TRAPPC3L: variants seen among roughly 807,000 people sequenced by gnomAD.
TRAPPC3L encodes the protein trafficking protein particle complex subunit 3-like protein.
In TRAPPC3L, 23 loss-of-function variants were observed where a neutral mutation model predicts 23.7. The ratio of observed to expected loss-of-function variants is 0.97; its 90% CI spans 0.70 to 1.37. The LOEUF is 1.37. Among genes scored for constraint, TRAPPC3L ranks in the 40% most tolerant of loss-of-function variants. The pLI, the probability that TRAPPC3L is intolerant of heterozygous loss-of-function variation, is 0.00. For synonymous variants in TRAPPC3L, 81 were observed against 77.9 expected (o/e 1.04, Z -0.21); for missense variants, 212 against 216.8 (o/e 0.98, Z 0.14).
At chr6:116,505,634 G>A (rs183983891) in intron 3 of TRAPPC3L, among the ~76,000 whole-genome samples, 1 of 152,298 alleles carries the variant, frequency 6.6e-6, no homozygotes, top group East Asian at 1.9e-4. Context: ...CAAGGTTACA[G>A]TAACCAAAAC....
intron 3 of TRAPPC3L, among the ~76,000 whole-genome samples, chr6:116,503,591 G>A (rs1344090079): frequency 9.9e-5 from 15 of 152,040 alleles, no homozygotes; most frequent in South Asian, 2.1e-4. Flanking sequence ...GCACCACATC[G>A]CACTTATTCT....
intron 3 of TRAPPC3L, chr6:116,517,836 G>A (rs572839428): frequency 6.6e-6 from 1 of 152,320 alleles, no homozygotes; most frequent in Admixed American, 6.5e-5. Flanking sequence ...GGGGAAGGAA[G>A]AGGGGCTGAA....
intron 3 of TRAPPC3L, among the ~76,000 whole-genome samples, chr6:116,539,691 G>GA (rs982974559): frequency 4.0e-5 from 6 of 150,364 alleles, no homozygotes; most frequent in East Asian, 1.9e-4. Context: ...GACTAGGAGA[G>GA]AAAAAAAAAT....
At position 116,514,635 on chromosome 6, in the gene TRAPPC3L, G is replaced by A. The variant is rs190910781; in HGVS notation, c.241-13969C>T. ...AAGGGGAAAGTTTAGATTTAAACCT[G>A]AGTAGTGCCAGTCCAGAGTTGGCAT... On this transcript the variant is annotated intron_variant, in intron 3 of 4. Transcript: ENST00000368602. Among the ~76,000 whole-genome samples the A allele has an allele frequency of 7.2e-5, 11 of 152,280 alleles. No homozygotes were observed. In the East Asian group the frequency reaches 2.1e-3, roughly 29 times the overall value.
At chr6:116,545,113 AT>A (rs1161660639) in intron 1 of TRAPPC3L, among the ~76,000 whole-genome samples, 2 of 150,818 alleles carry the variant, frequency 1.3e-5, no homozygotes, top group Non-Finnish European at 3.0e-5. Context: ...ACACATATAT[AT>A]ATACATACAT....
At chr6:116,510,963 G>A (rs1015897946) in intron 3 of TRAPPC3L, among the ~76,000 whole-genome samples, 1 of 151,650 alleles carries the variant, frequency 6.6e-6, no homozygotes, top group African/African-American at 2.4e-5. Context: ...TAAGCTATGG[G>A]TACGTAAAGG....
intron 3 of TRAPPC3L, among the ~76,000 whole-genome samples, chr6:116,535,429 T>C (rs746545042): frequency 1.1e-4 from 16 of 152,260 alleles, no homozygotes; most frequent in Non-Finnish European, 1.2e-4. Flanking sequence ...AACATTATTA[T>C]AATTATTGTC....
chr6:116,498,937 C>T (rs1344802812), intron 4 of TRAPPC3L, among the ~76,000 whole-genome samples: 1 of 152,158 alleles, frequency 6.6e-6, no homozygotes, highest in African/African-American at 2.4e-5. Context: ...ACAGACTCTG[C>T]CTAGGCATTC....
intron 3 of TRAPPC3L, among the ~76,000 whole-genome samples, chr6:116,507,218 A>G (rs1443749440): frequency 6.6e-6 from 1 of 152,188 alleles, no homozygotes; most frequent in African/African-American, 2.4e-5. Context: ...TCACACTGAT[A>G]CTAGCAAAGT....
intron 3 of TRAPPC3L, among the ~76,000 whole-genome samples, chr6:116,509,787 C>T (rs1182104497): frequency 6.6e-6 from 1 of 152,042 alleles, no homozygotes; most frequent in Non-Finnish European, 1.5e-5. Context: ...ATGACTAAGA[C>T]CCAAAAAGCA....
At chr6:116,509,789 CA>C (rs1480270932) in intron 3 of TRAPPC3L, among the ~76,000 whole-genome samples, 1 of 152,062 alleles carries the variant, frequency 6.6e-6, no homozygotes, top group Non-Finnish European at 1.5e-5. Context: ...GACTAAGACC[CA>C]AAAAGCAAAT....
At chr6:116,510,016 T>C (rs1344348007) in intron 3 of TRAPPC3L, among the ~76,000 whole-genome samples, 1 of 151,878 alleles carries the variant, frequency 6.6e-6, no homozygotes, top group East Asian at 1.9e-4. Flanking sequence ...AGTGAGCAAA[T>C]GACATCAATA....
chr6:116,537,648 G>A (rs766605477), intron 3 of TRAPPC3L, among the ~76,000 whole-genome samples: 14 of 152,066 alleles, frequency 9.2e-5, no homozygotes, highest in Non-Finnish European at 1.6e-4. Context: ...AAGGTAAAGC[G>A]AGTAGTTCCT....
At chr6:116,541,478 TAAA>T (rs907780286) in intron 2 of TRAPPC3L, among the ~76,000 whole-genome samples, 1 of 152,152 alleles carries the variant, frequency 6.6e-6, no homozygotes, top group African/African-American at 2.4e-5. Context: ...CCAGAGGCTC[TAAA>T]AAGAGATGAA....
chr6:116,528,603 A>G (rs1323984860), intron 3 of TRAPPC3L, among the ~76,000 whole-genome samples: 1 of 152,212 alleles, frequency 6.6e-6, no homozygotes, highest in Non-Finnish European at 1.5e-5. Context: ...AATATTGAGA[A>G]TTTTATTACC....
chr6:116,540,571 A>G, intron 2 of TRAPPC3L, 109 bp from the exon 3 acceptor site: 24 of 1,084,456 alleles, frequency 2.2e-5, no homozygotes, highest in Non-Finnish European at 3.2e-5. Context: ...TGAATCACAA[A>G]TCAAACCAAA....
chr6:116,495,090 A>T lies in TRAPPC3L; in HGVS notation c.*1864T>A. On this transcript the variant is annotated 3_prime_UTR_variant, in exon 5 of 5. Transcript: ENST00000368602. ...AGTGCAGAGATTACAGGCTTGTGCC[A>T]CCATGCCCGACCCAGATCTTATTCA... The T allele has an allele frequency of 6.9e-6, 1 of 144,038 alleles. No individual in the cohort carries two copies. Among genetic ancestry groups the T allele is most frequent in the East Asian group, 2.1e-4 (1 of 4,734 alleles). The allele number at this position is 144,038 out of a possible 1,614,324, so 8.9% of individuals were successfully genotyped here.
chr6:116,511,201 T>TATATAA (rs1177505491), intron 3 of TRAPPC3L, among the ~76,000 whole-genome samples: 2 of 147,636 alleles, frequency 1.4e-5, no homozygotes, highest in Non-Finnish European at 1.5e-5. Context: ...TATATATATA[T>TATATAA]AATTTTCATA....
chr6:116,516,191 G>T, intron 3 of TRAPPC3L: 1 of 585,050 alleles, frequency 1.7e-6, no homozygotes, highest in Non-Finnish European at 2.7e-6. Context: ...GGTGACAAAG[G>T]TGCTCTTGCA....
Sources: gnomAD v4.1 joint callset for allele counts (sites outside exome capture counted in the v4.1 genomes callset) on GRCh38, gnomAD v4.1.1 for gene constraint, MANE v1.5 for transcripts, NCBI Gene and HGNC (gene_info 2026-07-23, HGNC 2026-07-21) for gene names.